ROBO1: variants seen among roughly 807,000 people sequenced by gnomAD.
ROBO1 encodes the protein roundabout guidance receptor 1, also known as roundabout homolog 1.
In ROBO1, 149 loss-of-function variants were observed where a neutral mutation model predicts 195.9. The ratio of observed to expected loss-of-function variants is 0.76; its 90% CI spans 0.67 to 0.87. The LOEUF (loss-of-function observed/expected upper bound fraction) is 0.87, where lower values mean the gene tolerates loss of function less well. Ranked by LOEUF, ROBO1 falls within the 40% of genes least tolerant of loss-of-function variation. ROBO1 has a pLI of 0.00. For missense variants in ROBO1, 1,933 were observed against 2,068.3 expected (o/e 0.93, Z 1.27); for synonymous variants, 816 against 733.2 (o/e 1.11, Z -1.82).
chr3:79,641,053 G>T (rs1276865284), intron 1 of ROBO1, among the ~76,000 whole-genome samples: 1 of 152,076 alleles, frequency 6.6e-6, no homozygotes, highest in Admixed American at 6.6e-5. Context: ...ATATAGGGAA[G>T]TTGTACTTCC....
intron 2 of ROBO1, among the ~76,000 whole-genome samples, chr3:79,194,861 T>G (rs2081605008): frequency 6.6e-6 from 1 of 151,618 alleles, no homozygotes; most frequent in African/African-American, 2.4e-5. Flanking sequence ...TCTTCTGATA[T>G]GGACAAATGT....
chr3:79,759,978 T>C (rs1215268394), intron 1 of ROBO1, among the ~76,000 whole-genome samples: 1 of 152,014 alleles, frequency 6.6e-6, no homozygotes, highest in East Asian at 1.9e-4. Flanking sequence ...GGCTCATGCC[T>C]GTAATCCCAG....
intron 1 of ROBO1, among the ~76,000 whole-genome samples, chr3:79,604,700 T>C (rs1227647285): frequency 1.3e-5 from 2 of 152,028 alleles, no homozygotes; most frequent in Non-Finnish European, 2.9e-5. Context: ...GTCTTTTGCA[T>C]GGCAAAATAA....
chr3:79,158,620 A>C (rs899792539), intron 2 of ROBO1, among the ~76,000 whole-genome samples: 1 of 151,584 alleles, frequency 6.6e-6, no homozygotes, highest in Non-Finnish European at 1.5e-5. Flanking sequence ...TTTTGTTGTA[A>C]GGAGTGAAGC....
chr3:78,973,272 A>G (rs1395098235), intron 3 of ROBO1, among the ~76,000 whole-genome samples: 4 of 151,496 alleles, frequency 2.6e-5, no homozygotes, highest in Non-Finnish European at 5.9e-5. Context: ...CCACTTCTCC[A>G]TTGCCTTCAA....
chr3:79,198,836 G>A (rs1035635622), intron 2 of ROBO1, among the ~76,000 whole-genome samples: 9 of 151,784 alleles, frequency 5.9e-5, no homozygotes, highest in African/African-American at 2.2e-4. Flanking sequence ...TTGGCTCTCT[G>A]TTATTGGTGT....
intron 1 of ROBO1, among the ~76,000 whole-genome samples, chr3:79,747,975 T>A (rs961279786): frequency 6.6e-6 from 1 of 152,232 alleles, no homozygotes; most frequent in Admixed American, 6.5e-5. Context: ...TTGACCAAAC[T>A]ATCCTAATAT....
intron 1 of ROBO1, among the ~76,000 whole-genome samples, chr3:79,726,657 T>C (rs1702938885): frequency 6.6e-6 from 1 of 152,234 alleles, no homozygotes; most frequent in Admixed American, 6.5e-5. Context: ...AATTACCTTT[T>C]ACAATATTCC....
intron 3 of ROBO1, among the ~76,000 whole-genome samples, chr3:78,959,679 T>G (rs113176297): frequency 6.6e-6 from 1 of 152,136 alleles, no homozygotes; most frequent in Non-Finnish European, 1.5e-5. Flanking sequence ...AGCTATACCA[T>G]AGATTTGCTA....
At position 79,703,035 on chromosome 3, in the gene ROBO1, G is replaced by A. The variant is rs574784001; in HGVS notation, c.-51+64717C>T. ...TAAGTTAAGAAGCATGTGATTTTAGGAACCTTAGCATTGGCATCAAGAAAA... is the reference window on the plus strand; with the variant it reads ...TAAGTTAAGAAGCATGTGATTTTAGAAACCTTAGCATTGGCATCAAGAAAA... On this transcript the variant is annotated intron_variant, in intron 1 of 30. Coordinates refer to ENST00000464233, the MANE Select transcript of ROBO1 (RefSeq NM_002941.4). Among the ~76,000 whole-genome samples, 28 of 151,886 alleles carry A rather than the reference G, an allele frequency of 1.8e-4. 1 individual carries two copies. The South Asian group carries it at 5.4e-3, about 29-fold the overall frequency.
At chr3:79,448,700 CAAGAAGA>C (rs2039348326) in intron 2 of ROBO1, among the ~76,000 whole-genome samples, 6 of 151,872 alleles carry the variant, frequency 4.0e-5, no homozygotes, top group Admixed American at 3.9e-4. Context: ...TTAGTAATAT[CAAGAAGA>C]AAGATTAATG....
intron 3 of ROBO1, among the ~76,000 whole-genome samples, chr3:79,053,770 C>T (rs1184853665): frequency 6.6e-6 from 1 of 152,064 alleles, no homozygotes; most frequent in Admixed American, 6.6e-5. Flanking sequence ...CCAACTCCAT[C>T]TCAGATACCT....
intron 3 of ROBO1, among the ~76,000 whole-genome samples, chr3:78,963,932 C>T (rs2041539754): frequency 6.6e-6 from 1 of 152,118 alleles, no homozygotes; most frequent in Non-Finnish European, 1.5e-5. Flanking sequence ...AAATGAGTGA[C>T]TCATACAACA....
At chr3:79,550,195 G>GAAAAGAAAA in intron 2 of ROBO1, among the ~76,000 whole-genome samples, 3 of 100,812 alleles carry the variant, frequency 3.0e-5, no homozygotes, top group African/African-American at 1.4e-4. Context: ...AAGAAAGAAA[G>GAAAAGAAAA]GAAAAGAAAA....
chr3:79,672,863 C>T (rs758804461), intron 1 of ROBO1, among the ~76,000 whole-genome samples: 34 of 151,906 alleles, frequency 2.2e-4, no homozygotes, highest in Non-Finnish European at 4.0e-4. Flanking sequence ...CTGTGCCATG[C>T]AGAAGGTACA....
chr3:79,663,974 A>G (rs1008298591), intron 1 of ROBO1, among the ~76,000 whole-genome samples: 1 of 152,012 alleles, frequency 6.6e-6, no homozygotes, highest in African/African-American at 2.4e-5. Flanking sequence ...CAGTCCTTCC[A>G]TTTATTCTGC....
rs1307736275 is a variant in ROBO1 at position 78,659,795 on chromosome 3, G to A, written c.2333C>T (p.Pro778Leu). 3 of 1,604,156 alleles carry A rather than the reference G, an allele frequency of 1.9e-6. No individual in the cohort carries two copies. The highest frequency in any genetic ancestry group is 2.6e-6 in the Non-Finnish European group (3 of 1,175,154). The change falls in exon 17 of 31, where the codon CCA becomes CTA. Residue 778 changes from proline to leucine, a missense_variant. Physicochemically the swap from Pro to Leu is moderately conservative, Grantham distance 98. Around this residue, in one of 3 missense-constraint regions of ROBO1, gnomAD observed 1,737 missense variants for 1,882.5 expected, o/e 0.92. Transcript: ENST00000464233. ...AKTLEEAPSAPPQGVTVSKND... is the reference protein window; with the variant it reads ...AKTLEEAPSALPQGVTVSKND... ...CTTGGATACAGTTACACCTTGGGGT[G>A]GGGCACTGGGTGCTATTAAATTGTT...
Position 79,024,991 on chromosome 3 carries a change from C to T in ROBO1, c.173-86064G>A, listed in dbSNP as rs551165177. On this transcript the variant is annotated intron_variant, in intron 3 of 30. Coordinates refer to ENST00000464233, the MANE Select transcript of ROBO1 (RefSeq NM_002941.4). ...CAAAACCCTCCAGTGGTTTTCCTGT[C>T]TTACTTTAAGTGAGATCCCATGTCT... 7.2e-4 allele frequency among the ~76,000 whole-genome samples: 110 copies of T among 152,224 alleles called. No individual in the cohort carries two copies. The Middle Eastern group carries it at 0.014, about 19-fold the overall frequency.
intron 2 of ROBO1, among the ~76,000 whole-genome samples, chr3:79,518,851 T>G (rs1043075562): frequency 6.6e-5 from 10 of 151,616 alleles, no homozygotes; most frequent in Admixed American, 1.3e-4. Context: ...CTGTATTTTT[T>G]TTTTTTTTAG....
Sources: allele counts gnomAD v4.1 joint callset (sites outside exome capture counted in the v4.1 genomes callset), GRCh38; gene constraint gnomAD v4.1.1; regional missense constraint gnomAD v4.1.1; transcripts MANE v1.5; gene names NCBI Gene and HGNC (gene_info 2026-07-23, HGNC 2026-07-21).